EHMT1: variants seen among roughly 807,000 people sequenced by gnomAD.
EHMT1 encodes the protein euchromatic histone lysine methyltransferase 1, also known as histone-lysine N-methyltransferase EHMT1.
EHMT1 carries 15 observed loss-of-function variants against 147.2 expected under a neutral mutation model. The ratio of observed to expected loss-of-function variants is 0.10; its 90% confidence interval spans 0.07 to 0.16. The LOEUF (loss-of-function observed/expected upper bound fraction) is 0.16, where lower values mean the gene tolerates loss of function less well. Among genes scored for constraint, EHMT1 ranks in the 10% least tolerant of loss-of-function variants. The pLI is 1.00. For missense variants in EHMT1, 1,587 were observed against 1,772.4 expected (o/e 0.90, Z 1.88); for synonymous variants, 795 against 709.6 (o/e 1.12, Z -1.91).
intron 25 of EHMT1, 102 bp downstream of exon 25, chr9:137,818,240 G>A (rs1955084599): frequency 7.7e-7 from 1 of 1,302,926 alleles, no homozygotes; most frequent in African/African-American, 1.5e-5. Context: ...AGCTCTTACT[G>A]TTGACAAGAG....
intron 1 of EHMT1, among the ~76,000 whole-genome samples, chr9:137,691,674 C>T (rs187360239): frequency 3.3e-5 from 5 of 152,232 alleles, no homozygotes; most frequent in African/African-American, 7.2e-5. Flanking sequence ...GTTGAGGAAC[C>T]GCCATACTGT....
At chr9:137,820,246 C>G (rs1955296371) in intron 25 of EHMT1, 1 of 152,272 alleles carries the variant, frequency 6.6e-6, no homozygotes, top group African/African-American at 2.4e-5. Flanking sequence ...ACAGGCATCT[C>G]CCTGTGCAGT....
intron 1 of EHMT1, among the ~76,000 whole-genome samples, chr9:137,658,936 TGTGGTTGTCTTTTCTCTTG>T (rs1938775153): frequency 1.3e-5 from 2 of 152,340 alleles, no homozygotes; most frequent in South Asian, 4.1e-4. Context: ...GGAACACTTC[TGTGGTTGTCTTTTCTCTTG>T]GGCTGGAGTG....
At chr9:137,800,562 A>C (rs1308582057) in intron 17 of EHMT1, 2 of 416,214 alleles carry the variant, frequency 4.8e-6, no homozygotes, top group Non-Finnish European at 9.0e-6. Flanking sequence ...GACTCGTTGC[A>C]CGCAGCTGTG....
intron 25 of EHMT1, among the ~76,000 whole-genome samples, chr9:137,833,217 C>T (rs544904907): frequency 2.6e-5 from 4 of 152,324 alleles, no homozygotes; most frequent in South Asian, 4.1e-4. Flanking sequence ...GTGTCTCTGC[C>T]GGCAGGCCCC....
chr9:137,702,474 A>G (rs191329260), intron 1 of EHMT1, among the ~76,000 whole-genome samples: 14 of 152,316 alleles, frequency 9.2e-5, no homozygotes, highest in Admixed American at 3.3e-4. Flanking sequence ...GAGTTCCACA[A>G]TAATCTTCTT....
intron 1 of EHMT1, among the ~76,000 whole-genome samples, chr9:137,658,497 T>TG (rs1938722415): frequency 6.6e-6 from 1 of 152,166 alleles, no homozygotes; most frequent in African/African-American, 2.4e-5. Context: ...CCCTGGTTCT[T>TG]GTATCTAAGG....
At chr9:137,817,156 C>T in intron 23 of EHMT1, 1 of 509,692 alleles carries the variant, frequency 2.0e-6, no homozygotes, top group South Asian at 2.0e-5. Context: ...GTGGCCCAGG[C>T]CCAGCTCTGT....
chr9:137,833,557 C>G (rs536030633), intron 25 of EHMT1, among the ~76,000 whole-genome samples: 2 of 152,246 alleles, frequency 1.3e-5, no homozygotes, highest in African/African-American at 4.8e-5. Context: ...AGCCCTGGGT[C>G]TCCAGAGAGA....
chr9:137,621,321 A>G (rs552476207), intron 1 of EHMT1, among the ~76,000 whole-genome samples: 6 of 152,308 alleles, frequency 3.9e-5, no homozygotes, highest in African/African-American at 1.4e-4. Context: ...CCAAATGATT[A>G]AAGTAATAAA....
rs774433837 is a variant in EHMT1, at chr9:137,775,193, C to T, written c.1732C>T (p.His578Tyr). 1 of 1,613,756 alleles carries T rather than the reference C, an allele frequency of 6.2e-7. No homozygotes were observed. The highest frequency in any genetic ancestry group is 8.5e-7 in the Non-Finnish European group (1 of 1,180,030). ...CCCGCTCCTCGTGCTGTGTGAAGAC[C>T]ACCGGGGCCGCATGGTGAAGCACCA... The part of the protein sequence containing the change: ...KAPLLVLCED[H>Y]RGRMVKHQCC... The change falls in exon 11 of 27, where the codon CAC becomes TAC. Residue 578 changes from histidine to tyrosine, a missense_variant. By Grantham distance (83) the His-to-Tyr change is moderately conservative. Coordinates refer to ENST00000460843, the MANE Select transcript of EHMT1 (RefSeq NM_024757.5). The surrounding 1 kb of genome is among the most constrained non-coding windows in gnomAD (Gnocchi z 6.1).
chr9:137,716,585 G>T (rs776598544), intron 2 of EHMT1, 41 bp from the exon 3 acceptor site: 15 of 1,527,816 alleles, frequency 9.8e-6, no homozygotes, highest in South Asian at 2.6e-5. Context: ...GCCATGGAGA[G>T]CGTGGCCTGC....
At chr9:137,658,678 C>T (rs1471510723) in intron 1 of EHMT1, among the ~76,000 whole-genome samples, 4 of 151,554 alleles carry the variant, frequency 2.6e-5, no homozygotes, top group African/African-American at 7.3e-5. Context: ...AGTGGTGCGA[C>T]GTTGGCTCAC....
At chr9:137,710,373 TG>T (rs1355667302) in intron 1 of EHMT1, among the ~76,000 whole-genome samples, 1 of 152,108 alleles carries the variant, frequency 6.6e-6, no homozygotes, top group Non-Finnish European at 1.5e-5. Flanking sequence ...CTCAGGTGGG[TG>T]AGGCCTGAGA....
At chr9:137,778,091 A>G in intron 13 of EHMT1, 36 bp downstream of exon 13, 1 of 1,613,286 alleles carries the variant, frequency 6.2e-7, no homozygotes, top group Non-Finnish European at 8.5e-7. Context: ...GATGTCTCAG[A>G]GCCTGTTTTA....
intron 1 of EHMT1, among the ~76,000 whole-genome samples, chr9:137,686,812 G>A (rs1942486261): frequency 6.8e-6 from 1 of 147,100 alleles, no homozygotes; most frequent in Admixed American, 6.9e-5. Flanking sequence ...CTCGCTACAA[G>A]CTCTGCCTCC....
Position 137,835,266 on chromosome 9 carries a change from G to A in EHMT1, c.*313G>A, listed in dbSNP as rs968820649. 1.7e-4 allele frequency: 47 copies of A among 280,540 alleles called. No homozygotes were observed. The highest frequency in any genetic ancestry group is 8.1e-4 in the Admixed American group (15 of 18,426). The allele number at this position is 280,540 out of a possible 1,614,324, so 17.4% of individuals were successfully genotyped here. On this transcript the variant is annotated 3_prime_UTR_variant, in exon 27 of 27. Transcript: ENST00000460843. The stretch of plus-strand genomic sequence containing the variant: ...GTTTCTGATGCTGATTTGTCGTTGC[G>A]AAGTTTCTCGTTTCTTCCTCTGACC...
intron 1 of EHMT1, among the ~76,000 whole-genome samples, chr9:137,689,169 A>G (rs1308516611): frequency 2.0e-5 from 3 of 152,206 alleles, no homozygotes; most frequent in African/African-American, 7.2e-5. Flanking sequence ...AGAAGTCTCT[A>G]TGTATAATCT....
chr9:137,657,447 TC>T (rs1190038226), intron 1 of EHMT1, among the ~76,000 whole-genome samples: 6 of 150,508 alleles, frequency 4.0e-5, no homozygotes, highest in African/African-American at 1.2e-4. Flanking sequence ...TGAGTGGAAG[TC>T]GGCCTCCCAG....
Sources: allele counts gnomAD v4.1 joint callset (sites outside exome capture counted in the v4.1 genomes callset), GRCh38; gene constraint gnomAD v4.1.1; non-coding constraint Gnocchi (gnomAD v3.1); transcripts MANE v1.5; gene names NCBI Gene and HGNC (gene_info 2026-07-23, HGNC 2026-07-21).